IL1RAPL1: variants seen among roughly 807,000 people sequenced by gnomAD.
IL1RAPL1 encodes interleukin 1 receptor accessory protein like 1.
A neutral mutation model predicts 48.4 loss-of-function variants in IL1RAPL1; 3 were observed. The ratio of observed to expected loss-of-function variants is 0.06; its 90% CI spans 0.03 to 0.16. The LOEUF is 0.16. Ranked by LOEUF, IL1RAPL1 falls within the 10% of genes least tolerant of loss-of-function variation. IL1RAPL1 has a pLI of 1.00. For missense variants in IL1RAPL1, 349 were observed against 530.6 expected (o/e 0.66, Z 3.36); for synonymous variants, 185 against 187.7 (o/e 0.99, Z 0.12).
intron 3 of IL1RAPL1, among the ~76,000 whole-genome samples, chrX:29,284,681 G>A (rs963110723): frequency 8.9e-6 from 1 of 112,099 alleles, no homozygotes; most frequent in Non-Finnish European, 1.9e-5. Flanking sequence ...GGAGGCGGAG[G>A]TTGCAGTGAG....
At chrX:29,004,807 G>C (rs1045222490) in intron 2 of IL1RAPL1, among the ~76,000 whole-genome samples, 4 of 111,327 alleles carry the variant, frequency 3.6e-5, no homozygotes, top group African/African-American at 1.3e-4. Context: ...GCTGTTTTGA[G>C]GCTTGATTGT....
chrX:29,758,799 A>AC, intron 6 of IL1RAPL1, among the ~76,000 whole-genome samples: 1 of 111,645 alleles, frequency 9.0e-6, no homozygotes, highest in Non-Finnish European at 1.9e-5. Context: ...ACAAAACAAA[A>AC]AAACAAAACA....
At chrX:28,862,525 C>T (rs917499947) in intron 2 of IL1RAPL1, among the ~76,000 whole-genome samples, 37 of 111,412 alleles carry the variant, frequency 3.3e-4, no homozygotes, top group African/African-American at 1.1e-3. Flanking sequence ...TGTGCCAAAA[C>T]GTTCATAGAG....
At chrX:28,713,937 A>G (rs1423841936) in intron 1 of IL1RAPL1, among the ~76,000 whole-genome samples, 1 of 112,158 alleles carries the variant, frequency 8.9e-6, no homozygotes, top group Non-Finnish European at 1.9e-5. Flanking sequence ...CATACACAGC[A>G]GGAACTGCCA....
chrX:28,604,910 G>A (rs967491909), intron 1 of IL1RAPL1, among the ~76,000 whole-genome samples: 1 of 110,448 alleles, frequency 9.1e-6, no homozygotes, highest in East Asian at 2.8e-4. Flanking sequence ...CTTGACCTGT[G>A]GGTAACAATT....
intron 5 of IL1RAPL1, among the ~76,000 whole-genome samples, chrX:29,449,961 T>C (rs1381424448): frequency 9.1e-6 from 1 of 110,209 alleles, no homozygotes; most frequent in African/African-American, 3.3e-5. Flanking sequence ...GAAAGCTATA[T>C]TGAGGAAATC....
intron 1 of IL1RAPL1, among the ~76,000 whole-genome samples, chrX:28,764,302 G>A (rs1488836728): frequency 9.0e-6 from 1 of 111,512 alleles, no homozygotes; most frequent in Non-Finnish European, 1.9e-5. Context: ...TAATCTTGTC[G>A]CACCTGGAAG....
chrX:29,098,224 A>G (rs1338660119), intron 2 of IL1RAPL1, among the ~76,000 whole-genome samples: 9 of 110,101 alleles, frequency 8.2e-5, no homozygotes, highest in African/African-American at 3.0e-4. Context: ...CATCTGCTCT[A>G]TTCCTTTTGA....
At chrX:29,262,160 A>G (rs1049080125) in intron 2 of IL1RAPL1, among the ~76,000 whole-genome samples, 2 of 112,149 alleles carry the variant, frequency 1.8e-5, no homozygotes, top group African/African-American at 6.5e-5. Context: ...TTATTCATAT[A>G]CAGTTATTAG....
intron 1 of IL1RAPL1, among the ~76,000 whole-genome samples, chrX:28,723,337 C>T (rs1424634812): frequency 9.0e-6 from 1 of 110,740 alleles, no homozygotes. Flanking sequence ...TGTGTGTGTC[C>T]AGGAATTTAT....
chrX:29,790,697 T>G (rs1929609130), intron 6 of IL1RAPL1, among the ~76,000 whole-genome samples: 1 of 111,900 alleles, frequency 8.9e-6, no homozygotes, highest in Admixed American at 9.5e-5. Flanking sequence ...TCAATTCCTA[T>G]TAGTTTTATC....
chrX:29,570,302 A>T (rs914649804), intron 5 of IL1RAPL1, among the ~76,000 whole-genome samples: 4 of 112,589 alleles, frequency 3.6e-5, no homozygotes, highest in Non-Finnish European at 7.5e-5. Flanking sequence ...GAAACAAGTC[A>T]GTAATTTAAA....
intron 8 of IL1RAPL1, among the ~76,000 whole-genome samples, chrX:29,937,648 T>C (rs766321238): frequency 8.9e-6 from 1 of 111,986 alleles, no homozygotes; most frequent in Non-Finnish European, 1.9e-5. Flanking sequence ...TGTGTAGGCT[T>C]GTATATTACA....
intron 5 of IL1RAPL1, among the ~76,000 whole-genome samples, chrX:29,462,469 A>C (rs1299929725): frequency 9.0e-6 from 1 of 111,578 alleles, no homozygotes; most frequent in Admixed American, 9.5e-5. Flanking sequence ...GATCCTCCTG[A>C]GACCTGGCAC....
chrX:28,590,678 T>G (rs1445896820), intron 1 of IL1RAPL1, among the ~76,000 whole-genome samples: 3 of 111,685 alleles, frequency 2.7e-5, no homozygotes, highest in African/African-American at 9.8e-5. Context: ...TGCACAAATA[T>G]AGTCTGTAAT....
chrX:28,951,463 A>G (rs1924464310), intron 2 of IL1RAPL1, among the ~76,000 whole-genome samples: 1 of 109,218 alleles, frequency 9.2e-6, no homozygotes, highest in African/African-American at 3.3e-5. Context: ...TTAGTGTGCC[A>G]TAGAAAATTG....
intron 2 of IL1RAPL1, among the ~76,000 whole-genome samples, chrX:29,255,146 T>TGTGC (rs1931735694): frequency 9.3e-6 from 1 of 107,874 alleles, no homozygotes; most frequent in African/African-American, 3.5e-5. Flanking sequence ...TGTGTGCGTG[T>TGTGC]GTGTGTGTGT....
At chrX:29,302,088 T>C (rs935227965) in intron 3 of IL1RAPL1, among the ~76,000 whole-genome samples, 2 of 112,001 alleles carry the variant, frequency 1.8e-5, no homozygotes, top group African/African-American at 6.5e-5. Context: ...AATCTCAGGT[T>C]CAGGTGTTTG....
intron 2 of IL1RAPL1, among the ~76,000 whole-genome samples, chrX:28,911,829 T>C (rs954559324): frequency 1.1e-4 from 12 of 108,326 alleles, no homozygotes; most frequent in Non-Finnish European, 1.5e-4. Context: ...TCAGGGACTT[T>C]GGATTTGTGT....
Sources: gnomAD v4.1 joint callset for allele counts (sites outside exome capture counted in the v4.1 genomes callset) on GRCh38, gnomAD v4.1.1 for gene constraint, MANE v1.5 for transcripts, NCBI Gene and HGNC (gene_info 2026-07-23, HGNC 2026-07-21) for gene names.